NRG3: variants seen among roughly 807,000 people sequenced by gnomAD.
The protein encoded by NRG3 is pro-neuregulin-3, membrane-bound isoform.
Under a neutral mutation model 66.9 loss-of-function variants are expected in NRG3, and 31 were observed. That is an observed-to-expected ratio of 0.46 (90% CI 0.35 to 0.63). NRG3 has a LOEUF of 0.63. NRG3 is among the 20% of genes least tolerant of loss of function. The probability of loss-of-function intolerance (pLI) is 0.00; values close to 1 mark genes in which losing one functional copy is unlikely to be tolerated. For missense variants in NRG3, 910 were observed against 878.9 expected (o/e 1.04, Z -0.45); for synonymous variants, 393 against 359.4 (o/e 1.09, Z -1.06).
intron 1 of NRG3, among the ~76,000 whole-genome samples, chr10:82,000,232 G>A (rs1039388331): frequency 2.6e-5 from 4 of 152,176 alleles, no homozygotes; most frequent in African/African-American, 9.6e-5. Flanking sequence ...GAAAAAGATT[G>A]TATATACATT....
chr10:82,926,384 C>T lies in NRG3; in HGVS notation c.1055-25085C>T, dbSNP rs542976066. Among the ~76,000 whole-genome samples, 7 of 152,262 alleles carry T rather than the reference C, an allele frequency of 4.6e-5. No individual in the cohort carries two copies. The East Asian group carries it at 1.4e-3, about 29-fold the overall frequency. ...CCAAGCATATCCAGGGACAACTGTGCTATATTGTGATGAAGTTCCACCACT... is the reference window on the plus strand; with the variant it reads ...CCAAGCATATCCAGGGACAACTGTGTTATATTGTGATGAAGTTCCACCACT... On this transcript the variant is annotated intron_variant, in intron 4 of 8. Transcript: ENST00000372141.
intron 1 of NRG3, among the ~76,000 whole-genome samples, chr10:82,117,901 C>A (rs935202375): frequency 2.6e-5 from 4 of 152,182 alleles, no homozygotes; most frequent in African/African-American, 9.7e-5. Context: ...CCTGTGCTTA[C>A]ATTTCGCCTT....
intron 4 of NRG3, among the ~76,000 whole-genome samples, chr10:82,939,651 A>G (rs1192656543): frequency 6.6e-6 from 1 of 151,942 alleles, no homozygotes; most frequent in East Asian, 2.0e-4. Context: ...TCGTATTTTT[A>G]GTAGAGATGG....
intron 2 of NRG3, among the ~76,000 whole-genome samples, chr10:82,542,683 A>C (rs2043621918): frequency 6.6e-6 from 1 of 152,240 alleles, no homozygotes; most frequent in Non-Finnish European, 1.5e-5. Flanking sequence ...CAAGGAAAAC[A>C]GAGCATCACT....
intron 1 of NRG3, among the ~76,000 whole-genome samples, chr10:82,258,651 C>T (rs2077860994): frequency 6.6e-6 from 1 of 152,192 alleles, no homozygotes; most frequent in Non-Finnish European, 1.5e-5. Flanking sequence ...GAAAAAGACA[C>T]ATCGAGTGCC....
chr10:82,943,398 G>A (rs533501796), intron 4 of NRG3, among the ~76,000 whole-genome samples: 17 of 152,254 alleles, frequency 1.1e-4, no homozygotes, highest in Non-Finnish European at 1.9e-4. Context: ...GCCACCCTTG[G>A]TGGCATGGCT....
At chr10:82,807,816 A>C (rs749910688) in intron 3 of NRG3, among the ~76,000 whole-genome samples, 12 of 152,186 alleles carry the variant, frequency 7.9e-5, no homozygotes, top group Admixed American at 2.0e-4. Context: ...CTGCAAAGAC[A>C]GTCATATGGC....
chr10:82,659,845 G>C (rs529948500), intron 2 of NRG3, among the ~76,000 whole-genome samples: 4 of 152,054 alleles, frequency 2.6e-5, no homozygotes, highest in African/African-American at 9.6e-5. Flanking sequence ...GGACTGTTGG[G>C]ACTGGTAGCA....
At chr10:82,130,898 T>G (rs968386531) in intron 1 of NRG3, among the ~76,000 whole-genome samples, 1 of 152,188 alleles carries the variant, frequency 6.6e-6, no homozygotes, top group African/African-American at 2.4e-5. Flanking sequence ...ACTGGACTTT[T>G]TTCCTATGGA....
At chr10:81,995,605 T>C (rs1473152180) in intron 1 of NRG3, among the ~76,000 whole-genome samples, 1 of 152,226 alleles carries the variant, frequency 6.6e-6, no homozygotes, top group Non-Finnish European at 1.5e-5. Flanking sequence ...ATTTAACTTG[T>C]GTTGGCTGTT....
intron 1 of NRG3, among the ~76,000 whole-genome samples, chr10:82,117,009 A>G (rs920759064): frequency 2.0e-5 from 3 of 152,004 alleles, no homozygotes; most frequent in East Asian, 3.9e-4. Flanking sequence ...CTGGCCCCCA[A>G]TGCAGCCCCA....
At chr10:82,025,868 G>A (rs575926771) in intron 1 of NRG3, among the ~76,000 whole-genome samples, 1 of 151,916 alleles carries the variant, frequency 6.6e-6, no homozygotes. Context: ...AGCTGAGCTG[G>A]TGAGATTATA....
At chr10:82,623,723 A>C (rs1051001818) in intron 2 of NRG3, among the ~76,000 whole-genome samples, 1 of 152,188 alleles carries the variant, frequency 6.6e-6, no homozygotes. Context: ...GGAATTTGAA[A>C]ATAATTATGA....
chr10:82,174,872 A>G (rs545948483), intron 1 of NRG3, among the ~76,000 whole-genome samples: 1 of 151,964 alleles, frequency 6.6e-6, no homozygotes, highest in African/African-American at 2.4e-5. Context: ...TCTACTTCCC[A>G]TTTTCTAATG....
chr10:82,207,342 G>T (rs2075169086), intron 1 of NRG3, among the ~76,000 whole-genome samples: 2 of 152,154 alleles, frequency 1.3e-5, no homozygotes, highest in South Asian at 4.1e-4. Context: ...GTGTTCAGTA[G>T]TGAAGTGCAC....
Position 81,876,117 on chromosome 10 carries a change from C to T in NRG3, c.777C>T (p.Ser259=), listed in dbSNP as rs1231417379. 1.2e-6 allele frequency: 2 copies of T among 1,608,412 alleles called. No homozygotes were observed. Among genetic ancestry groups the T allele is most frequent in the Non-Finnish European group, 1.7e-6 (2 of 1,177,578 alleles). ...DAASSSSSSS[S]SATTTTPETS... ...CCTCCTCTTCTTCCTCTTCTTCCTC[C>T]TCCGCTACCACCACCACACCAGAAA... is the stretch of plus-strand genomic sequence containing the variant. The change falls in exon 1 of 9, where the codon TCC becomes TCT. Residue 259 remains serine (S), a synonymous_variant. Coordinates refer to ENST00000372141, the MANE Select transcript of NRG3 (RefSeq NM_001010848.4).
At chr10:82,164,153 G>A (rs1394459727) in intron 1 of NRG3, among the ~76,000 whole-genome samples, 1 of 151,894 alleles carries the variant, frequency 6.6e-6, no homozygotes, top group Non-Finnish European at 1.5e-5. Context: ...ACTCCTAACA[G>A]GGATCCACCT....
intron 1 of NRG3, among the ~76,000 whole-genome samples, chr10:81,881,422 C>A (rs1842171281): frequency 6.6e-6 from 1 of 152,176 alleles, no homozygotes; most frequent in African/African-American, 2.4e-5. Context: ...ATTAAGGATT[C>A]TTAAAACCTG....
At chr10:82,086,847 T>G (rs961458924) in intron 1 of NRG3, among the ~76,000 whole-genome samples, 2 of 152,144 alleles carry the variant, frequency 1.3e-5, no homozygotes, top group Non-Finnish European at 2.9e-5. Flanking sequence ...ATATTTGGTG[T>G]TATCATTGCC....
Sources: allele counts gnomAD v4.1 joint callset (sites outside exome capture counted in the v4.1 genomes callset), GRCh38; gene constraint gnomAD v4.1.1; transcripts MANE v1.5; gene names NCBI Gene and HGNC (gene_info 2026-07-23, HGNC 2026-07-21).